LONRF1: variants seen among roughly 807,000 people sequenced by gnomAD.
LONRF1 encodes LON peptidase N-terminal domain and RING finger protein 1.
LONRF1 carries 37 observed loss-of-function variants against 85.8 expected under a neutral mutation model. That is an observed-to-expected ratio of 0.43 (90% confidence interval 0.33 to 0.57). LONRF1 has a LOEUF of 0.57. LONRF1 is among the 20% of genes least tolerant of loss of function. LONRF1 has a pLI of 0.04. For missense variants in LONRF1, 1,036 were observed against 978.0 expected (o/e 1.06, Z -0.79); for synonymous variants, 517 against 390.1 (o/e 1.33, Z -3.83).
chr8:12,749,269 T>G (rs555768448), intron 1 of LONRF1, among the ~76,000 whole-genome samples: 1 of 152,002 alleles, frequency 6.6e-6, no homozygotes, highest in Non-Finnish European at 1.5e-5. Context: ...ATAAGAAACA[T>G]CTTTAGGGAT....
intron 2 of LONRF1, 137 bp from the exon 3 acceptor site, chr8:12,741,133 C>G: frequency 1.2e-6 from 1 of 850,056 alleles, no homozygotes; most frequent in South Asian, 1.7e-5. Context: ...CCTGTAATCC[C>G]AGCACTTTGG....
intron 3 of LONRF1, 96 bp from the exon 4 acceptor site, chr8:12,738,240 T>G: frequency 1.2e-6 from 1 of 836,696 alleles, no homozygotes. Context: ...GTAGAAAGTT[T>G]GTAGCAGACA....
chr8:12,723,277 A>G (rs928183879), intron 11 of LONRF1, 23 bp from the exon 12 acceptor site: 1 of 1,575,110 alleles, frequency 6.3e-7, no homozygotes, highest in Admixed American at 2.0e-5. Flanking sequence ...GACAGTTTAT[A>G]GCATTAATAA....
At chr8:12,725,975 A>C in intron 10 of LONRF1, 96 bp from the exon 11 acceptor site, 2 of 1,124,228 alleles carry the variant, frequency 1.8e-6, no homozygotes, top group Non-Finnish European at 2.6e-6. Flanking sequence ...TCAGAAGAAC[A>C]GGGCAATACC....
chr8:12,725,333 G>A (rs377582280), intron 11 of LONRF1, among the ~76,000 whole-genome samples: 149 of 152,212 alleles, frequency 9.8e-4, no homozygotes, highest in African/African-American at 3.4e-3. Flanking sequence ...ATAGAAAATG[G>A]TAAGTCTCTC....
intron 1 of LONRF1, among the ~76,000 whole-genome samples, chr8:12,750,209 A>C (rs1361877539): frequency 6.6e-6 from 1 of 152,224 alleles, no homozygotes; most frequent in Non-Finnish European, 1.5e-5. Flanking sequence ...TGGATCAATT[A>C]CGATAATAGA....
chr8:12,754,637 C>T, intron 1 of LONRF1, 63 bp downstream of exon 1: 1 of 1,255,000 alleles, frequency 8.0e-7, no homozygotes, highest in Non-Finnish European at 1.0e-6. Context: ...AGCTCCGGGT[C>T]CCCGGCCCTC....
chr8:12,750,047 G>C (rs531410064), intron 1 of LONRF1, among the ~76,000 whole-genome samples: 4 of 152,226 alleles, frequency 2.6e-5, no homozygotes, highest in Admixed American at 6.5e-5. Context: ...TTTGTGTTTT[G>C]AATCAATATG....
At chr8:12,732,864 A>T (rs545014727) in intron 7 of LONRF1, among the ~76,000 whole-genome samples, 1 of 152,324 alleles carries the variant, frequency 6.6e-6, no homozygotes, top group African/African-American at 2.4e-5. Context: ...TTATTTCATA[A>T]AATTAGTGAG....
chr8:12,743,628 A>C (rs945144980), intron 1 of LONRF1, among the ~76,000 whole-genome samples: 1 of 152,090 alleles, frequency 6.6e-6, no homozygotes. Context: ...AGATGTTTAG[A>C]TTTGCCTTTT....
Position 12,736,788 on chromosome 8 carries a change from T to A in LONRF1, c.1364A>T (p.Asn455Ile), listed in dbSNP as rs368670206. The part of the protein sequence containing the change: ...NKLKKQGETP[N>I]EVCMFSLAYG... ...AGCTAAGGAAAACATACAGACTTCATTGGGAGTTTCTATTAAAACAAAGAC... is the reference window on the plus strand; with the variant it reads ...AGCTAAGGAAAACATACAGACTTCAATGGGAGTTTCTATTAAAACAAAGAC... Residue 455 changes from asparagine to isoleucine, a missense_variant, in exon 6 of 12, where the codon AAT becomes ATT. Transcript: ENST00000398246. 5 of 1,604,878 alleles carry A rather than the reference T, an allele frequency of 3.1e-6. No individual in the cohort carries two copies. In the East Asian group the frequency reaches 1.1e-4, roughly 36 times the overall value.
intron 2 of LONRF1, among the ~76,000 whole-genome samples, chr8:12,741,205 G>A (rs1272052514): frequency 2.6e-5 from 4 of 152,078 alleles, no homozygotes; most frequent in African/African-American, 9.7e-5. Flanking sequence ...TCAACATGGT[G>A]AAACCCTGCC....
rs1258792257 is a variant in LONRF1, at chr8:12,754,711, G to A, written c.710C>T (p.Ala237Val). ...YREALAAACE[A>V]LRAEPSDLIV... Reference sequence around the variant, plus strand: ...CCCCGCGCGGTCACCTGCTCGCAGCGCCTCGCAGGCGGCGGCCAGGGCCTC... The same window carrying A: ...CCCCGCGCGGTCACCTGCTCGCAGCACCTCGCAGGCGGCGGCCAGGGCCTC... The change falls in exon 1 of 12, where the codon GCG becomes GTG. Residue 237 changes from alanine to valine, a missense_variant. Physicochemically the swap from Ala to Val is moderately conservative, Grantham distance 64. Around this residue, in one of 3 missense-constraint regions of LONRF1, gnomAD observed 742 missense variants for 614.4 expected, o/e 1.21. Transcript: ENST00000398246. 1 of 1,383,986 alleles carries A rather than the reference G, an allele frequency of 7.2e-7. No homozygotes were observed. Among genetic ancestry groups the A allele is most frequent in the Non-Finnish European group, 9.3e-7 (1 of 1,078,870 alleles). The allele number at this position is 1,383,986 out of a possible 1,614,324, so 85.7% of individuals were successfully genotyped here.
chr8:12,743,810 A>G (rs911382803), intron 1 of LONRF1, among the ~76,000 whole-genome samples: 16 of 152,192 alleles, frequency 1.1e-4, no homozygotes, highest in African/African-American at 3.9e-4. Context: ...AATAAGAGTC[A>G]GCTTTTAAGA....
rs1805899811 is a variant in LONRF1, at chr8:12,722,003, C to T, written c.*1093G>A. The stretch of plus-strand genomic sequence containing the variant: ...TTACATAAAAGAAAGTTAATAAGGA[C>T]AGTCACAAATTTGCAACAAATAATT... On this transcript the variant is annotated 3_prime_UTR_variant, in exon 12 of 12. Coordinates refer to ENST00000398246, the MANE Select transcript of LONRF1 (RefSeq NM_152271.5). 6.6e-6 allele frequency: 1 copy of T among 152,500 alleles called. No homozygotes were observed. Among genetic ancestry groups the T allele is most frequent in the Admixed American group, 6.5e-5 (1 of 15,270 alleles). 9.4% of individuals were successfully genotyped at this position (152,500 alleles called of 1,614,324 possible). A position where few individuals can be genotyped will look rare whatever the true frequency, so the allele number is the denominator to read the frequency against.
intron 7 of LONRF1, among the ~76,000 whole-genome samples, chr8:12,732,837 A>G (rs1463625432): frequency 6.6e-6 from 1 of 152,226 alleles, no homozygotes; most frequent in Non-Finnish European, 1.5e-5. Context: ...TGTACAAAGA[A>G]AATGCCCAAT....
chr8:12,729,119 T>A (rs774409978), intron 9 of LONRF1, 55 bp downstream of exon 9: 105 of 1,610,316 alleles, frequency 6.5e-5, no homozygotes, highest in Non-Finnish European at 8.6e-5. Context: ...CAAGTTCTCA[T>A]CCATATTGAG....
intron 7 of LONRF1, among the ~76,000 whole-genome samples, chr8:12,733,583 C>T (rs968741139): frequency 6.6e-6 from 1 of 152,026 alleles, no homozygotes; most frequent in Non-Finnish European, 1.5e-5. Flanking sequence ...CCTTCAGTGA[C>T]AGATATATAA....
In LONRF1 at chr8:12,754,688, C is replaced by T. The variant is rs1799559910; in HGVS notation, c.721+12G>A. ...CGGTCGGCCCGGCCCCGCCGCATCCCCGCGCGGTCACCTGCTCGCAGCGCC... is the reference window on the plus strand; with the variant it reads ...CGGTCGGCCCGGCCCCGCCGCATCCTCGCGCGGTCACCTGCTCGCAGCGCC... On this transcript the variant is annotated intron_variant, in intron 1 of 11. Coordinates refer to ENST00000398246, the MANE Select transcript of LONRF1 (RefSeq NM_152271.5). The T allele has an allele frequency of 3.7e-6, 5 of 1,339,450 alleles. No individual in the cohort carries two copies. The highest frequency in any genetic ancestry group is 3.1e-5 in the East Asian group (1 of 31,754). The allele number at this position is 1,339,450 out of a possible 1,614,324, so 83.0% of individuals were successfully genotyped here.
Sources: allele counts gnomAD v4.1 joint callset (sites outside exome capture counted in the v4.1 genomes callset), GRCh38; gene constraint gnomAD v4.1.1; regional missense constraint gnomAD v4.1.1; transcripts MANE v1.5; gene names NCBI Gene and HGNC (gene_info 2026-07-23, HGNC 2026-07-21).